Variants in AFG2A observed in about 807,000 individuals in gnomAD.
AFG2A encodes the protein ATPase family gene 2 protein homolog A.
the AFG2A span, among the ~76,000 whole-genome samples, chr4:123,289,213 A>G: frequency 6.6e-6 from 1 of 152,076 alleles, no homozygotes; most frequent in African/African-American, 2.4e-5. Context: ...ATACAATTCC[A>G]TATACCTTTG....
chr4:123,220,247 T>C, the AFG2A span, among the ~76,000 whole-genome samples: 2 of 152,184 alleles, frequency 1.3e-5, no homozygotes, highest in African/African-American at 4.8e-5. Flanking sequence ...CATATTTATC[T>C]TAACAAGTAA....
chr4:122,994,570 T>C, the AFG2A span, among the ~76,000 whole-genome samples: 2 of 152,146 alleles, frequency 1.3e-5, no homozygotes, highest in Admixed American at 1.3e-4. Flanking sequence ...AGGTTGTTCC[T>C]TATTATTTGG....
the AFG2A span, among the ~76,000 whole-genome samples, chr4:123,175,525 A>T: frequency 3.3e-5 from 5 of 152,344 alleles, no homozygotes; most frequent in South Asian, 1.0e-3. Flanking sequence ...TAATGAGGAC[A>T]TTCATGCACT....
the AFG2A span, among the ~76,000 whole-genome samples, chr4:122,995,910 G>A: frequency 2.0e-5 from 3 of 152,188 alleles, no homozygotes; most frequent in African/African-American, 2.4e-5. Flanking sequence ...TAGGGTTAAC[G>A]TGGTTCTTTT....
the AFG2A span, chr4:122,934,453 G>A: frequency 6.2e-7 from 1 of 1,614,210 alleles, no homozygotes; most frequent in Non-Finnish European, 8.5e-7. Flanking sequence ...GGAAGTCACA[G>A]GTCTTAAATG....
At chr4:123,076,277 G>T in the AFG2A span, among the ~76,000 whole-genome samples, 1 of 151,920 alleles carries the variant, frequency 6.6e-6, no homozygotes, top group African/African-American at 2.4e-5. Context: ...GATTAAAAAG[G>T]CTGCATGAAA....
chr4:123,145,480 T>G, the AFG2A span, among the ~76,000 whole-genome samples: 1 of 152,134 alleles, frequency 6.6e-6, no homozygotes, highest in Non-Finnish European at 1.5e-5. Context: ...TAATGCACTT[T>G]CAATCTGCTA....
the AFG2A span, among the ~76,000 whole-genome samples, chr4:123,067,275 TTGGGAG>T: frequency 5.3e-5 from 8 of 152,064 alleles, no homozygotes; most frequent in Admixed American, 5.2e-4. Flanking sequence ...TCCCAGCACT[TTGGGAG>T]GCTGAGGCGG....
the AFG2A span, among the ~76,000 whole-genome samples, chr4:123,234,479 C>T: frequency 6.6e-6 from 1 of 152,042 alleles, no homozygotes; most frequent in Admixed American, 6.6e-5. Context: ...CCATTTTAAA[C>T]ATTATTAGTT....
At chr4:123,007,652 C>CAT in the AFG2A span, among the ~76,000 whole-genome samples, 1 of 50,598 alleles carries the variant, frequency 2.0e-5, no homozygotes, top group Non-Finnish European at 5.4e-5. Context: ...AACACACACA[C>CAT]ACACACACAC....
chr4:123,220,169 GA>G, the AFG2A span, among the ~76,000 whole-genome samples: 1 of 151,954 alleles, frequency 6.6e-6, no homozygotes, highest in Non-Finnish European at 1.5e-5. Context: ...GCACCCGGCA[GA>G]AAATCTTAAA....
chr4:123,122,920 T>C, the AFG2A span, among the ~76,000 whole-genome samples: 2 of 152,290 alleles, frequency 1.3e-5, no homozygotes, highest in Non-Finnish European at 2.9e-5. Context: ...GTGTTTTCCA[T>C]TATTTTATCA....
At chr4:123,159,250 T>A in the AFG2A span, among the ~76,000 whole-genome samples, 1 of 150,604 alleles carries the variant, frequency 6.6e-6, no homozygotes, top group South Asian at 2.1e-4. Flanking sequence ...GGCAAGTTTT[T>A]AATCTGATAT....
the AFG2A span, among the ~76,000 whole-genome samples, chr4:123,201,192 A>G: frequency 1.3e-5 from 2 of 152,354 alleles, no homozygotes; most frequent in Non-Finnish European, 2.9e-5. Flanking sequence ...CATTTGCTAT[A>G]TGTAAGTTCA....
At chr4:123,203,734 T>C in the AFG2A span, among the ~76,000 whole-genome samples, 3 of 152,212 alleles carry the variant, frequency 2.0e-5, no homozygotes, top group Non-Finnish European at 4.4e-5. Flanking sequence ...TATGTGAACA[T>C]AAGTTTTCAT....
At chr4:123,049,298 C>T in the AFG2A span, among the ~76,000 whole-genome samples, 43 of 151,944 alleles carry the variant, frequency 2.8e-4, no homozygotes, top group African/African-American at 8.0e-4. Flanking sequence ...CTGTGTTTAT[C>T]GGGGATATTG....
At chr4:123,146,100 C>A in the AFG2A span, among the ~76,000 whole-genome samples, 4 of 151,966 alleles carry the variant, frequency 2.6e-5, no homozygotes, top group South Asian at 6.2e-4. Context: ...ATGCAAGAGG[C>A]CACTAAATAG....
chr4:122,951,836 T>C, the AFG2A span, among the ~76,000 whole-genome samples: 4 of 152,194 alleles, frequency 2.6e-5, no homozygotes, highest in African/African-American at 9.6e-5. Context: ...CGGTCAGACA[T>C]TGGGCCCTGT....
the AFG2A span, among the ~76,000 whole-genome samples, chr4:123,298,706 C>T: frequency 6.6e-6 from 1 of 152,042 alleles, no homozygotes; most frequent in Admixed American, 6.5e-5. Flanking sequence ...CTTTTCAGGA[C>T]TTGGGATTTT....
Sources: allele counts gnomAD v4.1 joint callset (sites outside exome capture counted in the v4.1 genomes callset), GRCh38; gene constraint gnomAD v4.1.1; transcripts MANE v1.5; gene names NCBI Gene and HGNC (gene_info 2026-07-23, HGNC 2026-07-21).